MCM9: variants seen among roughly 807,000 people sequenced by gnomAD.
MCM9 encodes DNA helicase MCM9.
In MCM9, 55 loss-of-function variants were observed where a neutral mutation model predicts 72.8. That is an observed-to-expected ratio of 0.76 (90% CI 0.61 to 0.95). MCM9 has a LOEUF of 0.95. MCM9 is among the 40% of genes least tolerant of loss of function. The pLI, the probability that MCM9 is intolerant of heterozygous loss-of-function variation, is 0.00. For missense variants in MCM9, 1,279 were observed against 1,377.0 expected, an observed-to-expected ratio of 0.93 and a Z score of 1.13; for synonymous variants, 480 against 503.4, an observed-to-expected ratio of 0.95 and a Z score of 0.62.
chr6:118,930,612 A>G (rs944341366), intron 3 of MCM9, among the ~76,000 whole-genome samples: 1 of 152,210 alleles, frequency 6.6e-6, no homozygotes, highest in Non-Finnish European at 1.5e-5. Context: ...CAGGGACTCT[A>G]GAAGTGGTTT....
intron 9 of MCM9, among the ~76,000 whole-genome samples, chr6:118,846,567 G>A (rs1437554738): frequency 6.6e-6 from 1 of 151,826 alleles, no homozygotes; most frequent in African/African-American, 2.4e-5. Context: ...ACCAGAGCTG[G>A]CAGTCATGGG....
intron 13 of MCM9, among the ~76,000 whole-genome samples, chr6:118,821,248 G>A (rs1223104935): frequency 6.6e-6 from 1 of 152,170 alleles, no homozygotes; most frequent in Admixed American, 6.5e-5. Context: ...GTATGTTTTT[G>A]TAGTGGCTGG....
At chr6:118,894,382 CCA>C in intron 8 of MCM9, 6 of 1,536,734 alleles carry the variant, frequency 3.9e-6, no homozygotes, top group Non-Finnish European at 5.2e-6. Flanking sequence ...GCAACCAGCC[CCA>C]GTTCCCATTG....
chr6:118,907,785 A>T, intron 8 of MCM9: 1 of 548,728 alleles, frequency 1.8e-6, no homozygotes, highest in East Asian at 2.9e-5. Context: ...ATATAAATAC[A>T]ACTATTTTTA....
chr6:118,894,558 G>A (rs139800548), intron 8 of MCM9: 72,854 of 1,490,544 alleles, frequency 0.049, 2,585 homozygotes, highest in East Asian at 0.19. Context: ...GCTGTCAGTT[G>A]CGGGCTGCAG....
intron 5 of MCM9, chr6:118,918,460 CTT>C (rs961497197): frequency 1.3e-5 from 2 of 152,292 alleles, no homozygotes; most frequent in Non-Finnish European, 2.9e-5. Flanking sequence ...GCAGAAGCAA[CTT>C]TTATAGATTT....
chr6:118,896,613 C>T (rs1779435446), intron 8 of MCM9, among the ~76,000 whole-genome samples: 1 of 152,128 alleles, frequency 6.6e-6, no homozygotes, highest in Admixed American at 6.5e-5. Flanking sequence ...ATTTCACTTC[C>T]TAGGCACCAT....
intron 10 of MCM9, 90 bp downstream of exon 10, chr6:118,828,958 G>T (rs1774351397): frequency 7.7e-7 from 1 of 1,294,636 alleles, no homozygotes; most frequent in East Asian, 2.5e-5. Flanking sequence ...AGCCTATCTT[G>T]GGTATTTATT....
At chr6:118,858,759 A>G (rs1329958558) in intron 8 of MCM9, among the ~76,000 whole-genome samples, 1 of 152,162 alleles carries the variant, frequency 6.6e-6, no homozygotes, top group Non-Finnish European at 1.5e-5. Flanking sequence ...GACAGAGGAA[A>G]TCATGACAAC....
chr6:118,901,719 C>T (rs1288158756), intron 8 of MCM9, among the ~76,000 whole-genome samples: 1 of 152,156 alleles, frequency 6.6e-6, no homozygotes, highest in Non-Finnish European at 1.5e-5. Flanking sequence ...AGTAACTAGC[C>T]ATAGGTTTTT....
chr6:118,911,294 T>A lies in MCM9; in HGVS notation c.1150+356A>T, dbSNP rs547890549. On this transcript the variant is annotated intron_variant, in intron 8 of 13. Transcript: ENST00000619706. ...TGAAAATGCCTTAAGCTCTATACCA[T>A]CTATCTACTTGGTAAAGTGAAATAT... 1.5e-4 allele frequency: 153 copies of A among 1,010,328 alleles called. No homozygotes were observed. The South Asian group carries it at 5.8e-3, about 38-fold the overall frequency. 62.6% of individuals were successfully genotyped at this position (1,010,328 alleles called of 1,614,324 possible).
intron 9 of MCM9, among the ~76,000 whole-genome samples, chr6:118,836,702 C>T (rs1310522582): frequency 1.3e-5 from 2 of 152,120 alleles, no homozygotes; most frequent in African/African-American, 4.8e-5. Context: ...TCCCCTTTAT[C>T]ATTTTTTATT....
rs143809559 is a variant in MCM9 at position 118,881,539 on chromosome 6, T to G, written c.1151-24994A>C. Among the ~76,000 whole-genome samples, 990 of 152,256 alleles carry G rather than the reference T, an allele frequency of 6.5e-3. 6 individuals are homozygous for G. Among genetic ancestry groups the G allele is most frequent in the African/African-American group, 0.022 (921 of 41,532 alleles). On this transcript the variant is annotated intron_variant, in intron 8 of 13. Coordinates refer to ENST00000619706, the MANE Select transcript of MCM9 (RefSeq NM_017696.3). ...AACTAGTGACCAAATAAAGCTTCAT[T>G]AAAAACACCAAGGGAGGAAAAATGG...
At chr6:118,879,989 T>C (rs1337418245) in intron 8 of MCM9, among the ~76,000 whole-genome samples, 1 of 151,148 alleles carries the variant, frequency 6.6e-6, no homozygotes, top group Non-Finnish European at 1.5e-5. Flanking sequence ...GCCGAGCTCA[T>C]GCACTGCACT....
chr6:118,826,947 G>T, intron 11 of MCM9, 83 bp from the exon 12 acceptor site: 2 of 1,080,364 alleles, frequency 1.9e-6, no homozygotes, highest in Non-Finnish European at 2.7e-6. Context: ...CTCACCATTT[G>T]TATTTTATGA....
chr6:118,837,428 A>T (rs895941325), intron 9 of MCM9, among the ~76,000 whole-genome samples: 13 of 151,970 alleles, frequency 8.6e-5, no homozygotes, highest in Non-Finnish European at 1.8e-4. Flanking sequence ...ATCCTTGTTA[A>T]TTTTCTGTCT....
chr6:118,910,264 C>T (rs1583635918), intron 8 of MCM9, among the ~76,000 whole-genome samples: 1 of 151,880 alleles, frequency 6.6e-6, no homozygotes, highest in East Asian at 1.9e-4. Flanking sequence ...TTTTGACCCA[C>T]TGAATTGACT....
At chr6:118,884,539 G>A (rs1778482566) in intron 8 of MCM9, among the ~76,000 whole-genome samples, 1 of 151,726 alleles carries the variant, frequency 6.6e-6, no homozygotes, top group African/African-American at 2.4e-5. Context: ...GAGACATATA[G>A]AAGACAAAAT....
intron 9 of MCM9, among the ~76,000 whole-genome samples, chr6:118,839,992 A>T (rs1177175053): frequency 6.6e-6 from 1 of 152,058 alleles, no homozygotes; most frequent in African/African-American, 2.4e-5. Flanking sequence ...GCAGGCAGGA[A>T]AGTTTAAGCC....
Sources: gnomAD v4.1 joint callset for allele counts (sites outside exome capture counted in the v4.1 genomes callset) on GRCh38, gnomAD v4.1.1 for gene constraint, MANE v1.5 for transcripts, NCBI Gene and HGNC (gene_info 2026-07-23, HGNC 2026-07-21) for gene names.